The following ZEB2 variants were observed in gnomAD, a reference collection of about 807,000 sequenced individuals.
The protein encoded by ZEB2 is zinc finger E-box binding homeobox 2.
A neutral mutation model predicts 99.9 loss-of-function variants in ZEB2; 6 were observed. The ratio of observed to expected loss-of-function variants is 0.06; its 90% CI spans 0.03 to 0.12. The LOEUF (loss-of-function observed/expected upper bound fraction) is 0.12. Ranked by LOEUF, ZEB2 falls within the 10% of genes least tolerant of loss-of-function variation. The pLI, the probability that ZEB2 is intolerant of heterozygous loss-of-function variation, is 1.00. For synonymous variants in ZEB2, 517 were observed against 542.5 expected (o/e 0.95, Z 0.65); for missense variants, 969 against 1,502.8 (o/e 0.64, Z 5.87).
chr2:144,446,994 TGACA>T (rs1354125582), intron 2 of ZEB2, among the ~76,000 whole-genome samples: 13 of 143,764 alleles, frequency 9.0e-5, no homozygotes, highest in African/African-American at 3.1e-4. Flanking sequence ...CCAGCCTGGG[TGACA>T]GAGTGAGACA....
intron 2 of ZEB2, among the ~76,000 whole-genome samples, chr2:144,500,588 C>A (rs1025444554): frequency 2.0e-5 from 3 of 152,168 alleles, no homozygotes; most frequent in Non-Finnish European, 4.4e-5. Flanking sequence ...TGAAAATCAA[C>A]TGTAACTGAA....
chr2:144,511,654 T>C (rs773543803), intron 2 of ZEB2: 1 of 1,287,142 alleles, frequency 7.8e-7, no homozygotes, highest in South Asian at 1.2e-5. Flanking sequence ...GCTGATGCTG[T>C]TGGCATAAAC....
At chr2:144,504,064 A>G (rs2149926810) in intron 2 of ZEB2, 1 of 144,332 alleles carries the variant, frequency 6.9e-6, no homozygotes, top group East Asian at 2.1e-4. Context: ...TCACTTTCCT[A>G]CAAGTTAACA....
chr2:144,456,099 T>A (rs1704118461), intron 2 of ZEB2, among the ~76,000 whole-genome samples: 1 of 151,320 alleles, frequency 6.6e-6, no homozygotes. Flanking sequence ...ACTAAATCCA[T>A]CCCAAGTTTG....
intron 4 of ZEB2, among the ~76,000 whole-genome samples, chr2:144,411,695 G>C (rs548461244): frequency 6.6e-6 from 1 of 152,262 alleles, no homozygotes; most frequent in East Asian, 1.9e-4. Flanking sequence ...ACAGCATCTT[G>C]GCCGCTCTCT....
At chr2:144,407,167 G>A (rs766096889) in intron 4 of ZEB2, among the ~76,000 whole-genome samples, 11 of 152,266 alleles carry the variant, frequency 7.2e-5, no homozygotes, top group East Asian at 1.9e-4. Context: ...TAAACTAAGC[G>A]CCAGTAATCC....
At chr2:144,519,097 C>A (rs930197933) in intron 1 of ZEB2, among the ~76,000 whole-genome samples, 6 of 152,128 alleles carry the variant, frequency 3.9e-5, no homozygotes, top group Non-Finnish European at 5.9e-5. Flanking sequence ...TTTTCAGTGC[C>A]AAAGTATGGA....
chr2:144,516,343 G>A (rs1198942622), intron 2 of ZEB2: 1 of 150,966 alleles, frequency 6.6e-6, no homozygotes, highest in East Asian at 2.0e-4. Flanking sequence ...TACCTAGGGG[G>A]TCTCTCTCTC....
At chr2:144,448,766 G>A (rs1443309477) in intron 2 of ZEB2, 1 of 152,204 alleles carries the variant, frequency 6.6e-6, no homozygotes, top group African/African-American at 2.4e-5. Flanking sequence ...CAGTCCTACA[G>A]CGTTCCACCA....
At chr2:144,494,740 A>G (rs1704736299) in intron 2 of ZEB2, 1 of 152,172 alleles carries the variant, frequency 6.6e-6, no homozygotes, top group South Asian at 2.1e-4. Flanking sequence ...TTTTTTCTCC[A>G]AATGGATCAA....
intron 2 of ZEB2, chr2:144,511,906 G>A (rs910929190): frequency 8.5e-6 from 11 of 1,286,974 alleles, no homozygotes; most frequent in Admixed American, 2.3e-5. Flanking sequence ...GCATATTTGG[G>A]CTTATGTTAA....
rs150041621 is a variant in ZEB2, at chr2:144,404,012, A to G, written c.711T>C (p.Asn237=). 2 of 1,613,958 alleles carry G rather than the reference A, an allele frequency of 1.2e-6. No homozygotes were observed. Among genetic ancestry groups the G allele is most frequent in the African/African-American group, 2.7e-5 (2 of 74,860 alleles). Reference sequence around the variant, plus strand: ...AGAGAGGGCAGGAAAAGTTCTCTTCATTCTTCTCGTGGCGGTACTTGATGT... The same window carrying G: ...AGAGAGGGCAGGAAAAGTTCTCTTCGTTCTTCTCGTGGCGGTACTTGATGT... ...KEHIKYRHEK[N]EENFSCPLCS... is the part of the protein sequence containing the mutation. The change falls in exon 6 of 10, where the codon AAT becomes AAC. Residue 237 remains asparagine, a synonymous_variant. Transcript: ENST00000627532.
At chr2:144,519,736 G>C (rs544577421) in intron 1 of ZEB2, 22 of 347,228 alleles carry the variant, frequency 6.3e-5, no homozygotes, top group South Asian at 4.8e-4. Context: ...GAGAGTGTGA[G>C]TGTAAGAGAA....
chr2:144,418,098 A>G (rs935814740), intron 4 of ZEB2, among the ~76,000 whole-genome samples: 1 of 152,232 alleles, frequency 6.6e-6, no homozygotes, highest in South Asian at 2.1e-4. Context: ...CCTCCTACAC[A>G]GTTAAAGAAG....
At chr2:144,517,169 G>A (rs1284938355) in intron 2 of ZEB2, 109 bp downstream of exon 2, 4 of 1,453,642 alleles carry the variant, frequency 2.8e-6, no homozygotes, top group Non-Finnish European at 3.8e-6. Context: ...CTAGAGCCCT[G>A]GGCGCCGCCG....
chr2:144,504,233 A>G (rs1219673033), intron 2 of ZEB2: 1 of 152,112 alleles, frequency 6.6e-6, no homozygotes, highest in Non-Finnish European at 1.5e-5. Flanking sequence ...CTCTTTAGGC[A>G]TCCAATCAGA....
intron 3 of ZEB2, chr2:144,429,237 C>A: frequency 6.3e-6 from 1 of 159,294 alleles, no homozygotes; most frequent in East Asian, 1.8e-4. Context: ...AGAAAGCTAC[C>A]TGACCAGGTA....
At chr2:144,505,716 A>G (rs1704944347) in intron 2 of ZEB2, among the ~76,000 whole-genome samples, 1 of 152,150 alleles carries the variant, frequency 6.6e-6, no homozygotes, top group Admixed American at 6.5e-5. Context: ...TCAACATAGC[A>G]GTTTGACAGC....
chr2:144,449,313 T>C (rs1246143074), intron 2 of ZEB2, among the ~76,000 whole-genome samples: 2 of 152,178 alleles, frequency 1.3e-5, no homozygotes, highest in Non-Finnish European at 2.9e-5. Flanking sequence ...ATGTGCTTTG[T>C]TATTTCCTTC....
Sources: gnomAD v4.1 joint callset for allele counts (sites outside exome capture counted in the v4.1 genomes callset) on GRCh38, gnomAD v4.1.1 for gene constraint, MANE v1.5 for transcripts, NCBI Gene and HGNC (gene_info 2026-07-23, HGNC 2026-07-21) for gene names.